ENDOD1: variants seen among roughly 807,000 people sequenced by gnomAD.
ENDOD1 encodes endonuclease domain containing 1, also known as endonuclease domain-containing 1 protein.
ENDOD1 carries 9 observed loss-of-function variants against 6.5 expected under a neutral mutation model. The observed-to-expected ratio is 1.39, with a 90% CI of 0.84 to 2.43. The LOEUF (loss-of-function observed/expected upper bound fraction) is 2.43, where lower values mean the gene tolerates loss of function less well. ENDOD1 is among the 30% of genes most tolerant of loss of function. ENDOD1 has a pLI of 0.00. For synonymous variants in ENDOD1, 255 were observed against 255.2 expected, an observed-to-expected ratio of 1.00 and a Z score of 0.01; for missense variants, 648 against 635.5, an observed-to-expected ratio of 1.02 and a Z score of -0.21.
chr11:95,107,734 C>T (rs532374937), intron 1 of ENDOD1, among the ~76,000 whole-genome samples: 5 of 152,148 alleles, frequency 3.3e-5, no homozygotes, highest in African/African-American at 1.2e-4. Flanking sequence ...GATCTCGGCT[C>T]ACTGCAACTT....
At chr11:95,101,520 G>C (rs1555110876) in intron 1 of ENDOD1, among the ~76,000 whole-genome samples, 1 of 146,086 alleles carries the variant, frequency 6.8e-6, no homozygotes, top group African/African-American at 2.4e-5. Flanking sequence ...ACAATACTTA[G>C]TTTTTTAAGA....
Position 95,131,091 on chromosome 11 carries a change from T to C in ENDOD1, c.*1512T>C, listed in dbSNP as rs1398572000. 1 of 152,198 alleles carries C rather than the reference T, an allele frequency of 6.6e-6. No homozygotes were observed. The highest frequency in any genetic ancestry group is 1.5e-5 in the Non-Finnish European group (1 of 68,046). 9.4% of individuals were successfully genotyped at this position (152,198 alleles called of 1,614,324 possible). ...AACATGAGCGTAGCAAGAGTTACAT[T>C]TTGCAGAAAAATAGCGGAGGCACAC... On this transcript the variant is annotated 3_prime_UTR_variant, in exon 2 of 2. Coordinates refer to ENST00000278505, the MANE Select transcript of ENDOD1 (RefSeq NM_015036.3).
At chr11:95,102,443 A>C in intron 1 of ENDOD1, among the ~76,000 whole-genome samples, 1 of 151,474 alleles carries the variant, frequency 6.6e-6, no homozygotes, top group South Asian at 2.1e-4. Flanking sequence ...AGGCCGAGGC[A>C]GGTGGATCAC....
intron 1 of ENDOD1, among the ~76,000 whole-genome samples, chr11:95,096,354 G>T (rs566577758): frequency 7.2e-6 from 1 of 139,102 alleles, no homozygotes; most frequent in African/African-American, 2.7e-5. Context: ...TTCATTGCCT[G>T]TCGATATATC....
chr11:95,109,901 T>C (rs1859130317), intron 1 of ENDOD1, among the ~76,000 whole-genome samples: 1 of 152,226 alleles, frequency 6.6e-6, no homozygotes, highest in Non-Finnish European at 1.5e-5. Flanking sequence ...TTCAATCTGT[T>C]TGCAGGGACA....
At chr11:95,123,648 G>A (rs1392793187) in intron 1 of ENDOD1, among the ~76,000 whole-genome samples, 1 of 150,824 alleles carries the variant, frequency 6.6e-6, no homozygotes, top group Non-Finnish European at 1.5e-5. Flanking sequence ...AATCTATAAT[G>A]AGTTATGAAA....
intron 1 of ENDOD1, among the ~76,000 whole-genome samples, chr11:95,114,240 C>T (rs966432910): frequency 7.2e-5 from 11 of 152,122 alleles, no homozygotes; most frequent in Admixed American, 6.5e-5. Flanking sequence ...CCTCAGCTTC[C>T]TGAGTAGCTG....
chr11:95,105,460 G>T (rs1859080588), intron 1 of ENDOD1, among the ~76,000 whole-genome samples: 3 of 152,096 alleles, frequency 2.0e-5, no homozygotes, highest in Admixed American at 2.0e-4. Context: ...GGGTGCATGT[G>T]CAGGATGTGT....
chr11:95,095,817 G>A (rs192223157), intron 1 of ENDOD1, among the ~76,000 whole-genome samples: 186 of 152,308 alleles, frequency 1.2e-3, no homozygotes, highest in African/African-American at 4.3e-3. Context: ...CTGGACAGGA[G>A]TTTATGACTG....
chr11:95,090,460 A>G (rs1858919369), intron 1 of ENDOD1, among the ~76,000 whole-genome samples: 1 of 15,196 alleles, frequency 6.6e-5, no homozygotes, highest in East Asian at 2.1e-3. Flanking sequence ...CCTTCACTTC[A>G]TGAGCTGCAG....
chr11:95,131,736 C>T lies in ENDOD1; in HGVS notation c.*2157C>T, dbSNP rs1859373077. 1 of 152,224 alleles carries T rather than the reference C, an allele frequency of 6.6e-6. No individual in the cohort carries two copies. Among genetic ancestry groups the T allele is most frequent in the Non-Finnish European group, 1.5e-5 (1 of 68,060 alleles). 9.4% of individuals were successfully genotyped at this position (152,224 alleles called of 1,614,324 possible). ...TTCCCTCCTAGCACATATTTGCATA[C>T]TGAAAGGTCCGAAAAGGGCATCCAC... On this transcript the variant is annotated 3_prime_UTR_variant, in exon 2 of 2. Coordinates refer to ENST00000278505, the MANE Select transcript of ENDOD1 (RefSeq NM_015036.3).
chr11:95,101,833 G>A (rs1555110903), intron 1 of ENDOD1, among the ~76,000 whole-genome samples: 2 of 152,156 alleles, frequency 1.3e-5, no homozygotes, highest in East Asian at 3.9e-4. Context: ...GCACATAAAT[G>A]TGAACAATTT....
chr11:95,105,401 T>C, intron 1 of ENDOD1, among the ~76,000 whole-genome samples: 1 of 152,274 alleles, frequency 6.6e-6, no homozygotes, highest in East Asian at 1.9e-4. Context: ...ATAGTTGTAA[T>C]ACTGTCTTGT....
chr11:95,096,979 A>C (rs1004248956), intron 1 of ENDOD1, among the ~76,000 whole-genome samples: 3 of 152,182 alleles, frequency 2.0e-5, no homozygotes, highest in Non-Finnish European at 4.4e-5. Context: ...CCTGGGCAAC[A>C]TGGCAAAAAC....
At chr11:95,102,894 C>T (rs1859054470) in intron 1 of ENDOD1, among the ~76,000 whole-genome samples, 1 of 152,118 alleles carries the variant, frequency 6.6e-6, no homozygotes, top group African/African-American at 2.4e-5. Context: ...TGTATAGAGA[C>T]AGGCTGTGGA....
chr11:95,109,635 TCGGCTGCC>T (rs1193667357), intron 1 of ENDOD1, among the ~76,000 whole-genome samples: 2 of 152,226 alleles, frequency 1.3e-5, no homozygotes, highest in Non-Finnish European at 2.9e-5. Flanking sequence ...CCTGCCAAAC[TCGGCTGCC>T]CACTTGTGTC....
intron 1 of ENDOD1, among the ~76,000 whole-genome samples, chr11:95,116,619 T>C (rs1859211913): frequency 6.6e-6 from 1 of 152,234 alleles, no homozygotes; most frequent in Non-Finnish European, 1.5e-5. Context: ...TTGTAGGTGC[T>C]TATGCCTATA....
At chr11:95,110,367 T>C (rs1296652167) in intron 1 of ENDOD1, among the ~76,000 whole-genome samples, 1 of 152,188 alleles carries the variant, frequency 6.6e-6, no homozygotes, top group African/African-American at 2.4e-5. Context: ...TGGTCACCAG[T>C]GTACTGATTA....
At chr11:95,091,326 A>G (rs782071180) in intron 1 of ENDOD1, among the ~76,000 whole-genome samples, 3 of 152,192 alleles carry the variant, frequency 2.0e-5, no homozygotes, top group Non-Finnish European at 4.4e-5. Flanking sequence ...TGTGGGTTGT[A>G]ATCTCATTCA....
Sources: gnomAD v4.1 joint callset for allele counts (sites outside exome capture counted in the v4.1 genomes callset) on GRCh38, gnomAD v4.1.1 for gene constraint, MANE v1.5 for transcripts, NCBI Gene and HGNC (gene_info 2026-07-23, HGNC 2026-07-21) for gene names.